ZBTB16: variants seen among roughly 807,000 people sequenced by gnomAD.
ZBTB16 encodes the protein zinc finger and BTB domain-containing protein 16.
In ZBTB16, 8 loss-of-function variants were observed where a neutral mutation model predicts 56.8. The observed-to-expected ratio is 0.14, with a 90% CI of 0.08 to 0.25. ZBTB16 has a LOEUF of 0.25. ZBTB16 is among the 10% of genes least tolerant of loss of function. ZBTB16 has a pLI of 1.00. For synonymous variants in ZBTB16, 363 were observed against 368.5 expected, an observed-to-expected ratio of 0.98 and a Z score of 0.17; for missense variants, 625 against 903.0, an observed-to-expected ratio of 0.69 and a Z score of 3.95.
chr11:114,238,040 G>T (rs1294232926), intron 4 of ZBTB16, among the ~76,000 whole-genome samples: 1 of 152,130 alleles, frequency 6.6e-6, no homozygotes, highest in Non-Finnish European at 1.5e-5. Context: ...TTTCCAGCTG[G>T]TGACCATATG....
At chr11:114,078,233 C>T (rs1285553299) in intron 2 of ZBTB16, among the ~76,000 whole-genome samples, 1 of 152,176 alleles carries the variant, frequency 6.6e-6, no homozygotes, top group Non-Finnish European at 1.5e-5. Context: ...AAGTGGGTTG[C>T]CTATGCCCAC....
intron 2 of ZBTB16, among the ~76,000 whole-genome samples, chr11:114,117,309 G>T (rs1189717714): frequency 6.6e-6 from 1 of 152,080 alleles, no homozygotes; most frequent in Non-Finnish European, 1.5e-5. Flanking sequence ...TCTGTAATTT[G>T]GGAGAAGGTG....
chr11:114,127,670 G>A (rs1941546670), intron 2 of ZBTB16, among the ~76,000 whole-genome samples: 1 of 152,182 alleles, frequency 6.6e-6, no homozygotes, highest in Non-Finnish European at 1.5e-5. Flanking sequence ...ATCAGAAAGG[G>A]GACCTCAGAA....
At chr11:114,210,729 G>A (rs970044892) in intron 4 of ZBTB16, 17 of 218,220 alleles carry the variant, frequency 7.8e-5, no homozygotes, top group Non-Finnish European at 1.3e-4. Flanking sequence ...TTACCTTAGA[G>A]ACATCCCAGG....
chr11:114,109,309 G>C (rs1189490410), intron 2 of ZBTB16, among the ~76,000 whole-genome samples: 1 of 152,250 alleles, frequency 6.6e-6, no homozygotes, highest in African/African-American at 2.4e-5. Flanking sequence ...TGGTGAGTGA[G>C]GTTGGGTCAT....
intron 4 of ZBTB16, among the ~76,000 whole-genome samples, chr11:114,194,360 C>T (rs1275982899): frequency 6.6e-6 from 1 of 152,142 alleles, no homozygotes; most frequent in African/African-American, 2.4e-5. Flanking sequence ...ACCCTTTTGA[C>T]CCTATTTGAC....
chr11:114,064,613 C>T lies in ZBTB16; in HGVS notation c.1268+45C>T, dbSNP rs748102763. The T allele has an allele frequency of 1.2e-6, 2 of 1,605,978 alleles. No homozygotes were observed. The highest frequency in any genetic ancestry group is 3.4e-5 in the Admixed American group (2 of 59,476). Reference sequence around the variant, plus strand: ...CGCACCTGATGTAGGACTTGAGGCCCTCACACCCCTCCTTCACACCCTGGC... The same window carrying T: ...CGCACCTGATGTAGGACTTGAGGCCTTCACACCCCTCCTTCACACCCTGGC... On this transcript the variant is annotated intron_variant, in intron 2 of 6. Coordinates refer to ENST00000335953, the MANE Select transcript of ZBTB16 (RefSeq NM_006006.6). The surrounding 1 kb of genome is among the most constrained non-coding windows in gnomAD (Gnocchi z 4.2).
rs143300654 is a variant in ZBTB16, at chr11:114,241,870, C to T, written c.1454-297C>T. ...TGGTATATGCTGTCTTAGTACCTTGCCGCCTTTTACATACCACCCGACACA... is the reference window on the plus strand; with the variant it reads ...TGGTATATGCTGTCTTAGTACCTTGTCGCCTTTTACATACCACCCGACACA... On this transcript the variant is annotated intron_variant, in intron 4 of 6. Transcript: ENST00000335953. 4.4e-4 allele frequency among the ~76,000 whole-genome samples: 67 copies of T among 152,280 alleles called. No individual in the cohort carries two copies. In the East Asian group the frequency reaches 9.4e-3, roughly 21 times the overall value.
chr11:114,144,897 G>A lies in ZBTB16; in HGVS notation c.1269-11440G>A, dbSNP rs921938129. On this transcript the variant is annotated intron_variant, in intron 2 of 6. Transcript: ENST00000335953. The stretch of plus-strand genomic sequence containing the variant: ...CATTATTAAATTATTGAGTTTAGAC[G>A]TGGGCTGGAGGGTAGGGGTTGAAAT... Among the ~76,000 whole-genome samples the A allele has an allele frequency of 5.9e-5, 9 of 152,312 alleles. No homozygotes were observed. The South Asian group carries it at 1.4e-3, about 25-fold the overall frequency.
intron 3 of ZBTB16, among the ~76,000 whole-genome samples, chr11:114,180,041 C>T (rs975896913): frequency 6.6e-6 from 1 of 152,198 alleles, no homozygotes; most frequent in South Asian, 2.1e-4. Context: ...ATCCTTGGCA[C>T]AGAGGGAGAG....
chr11:114,069,216 G>A (rs1222845325), intron 2 of ZBTB16, among the ~76,000 whole-genome samples: 1 of 152,192 alleles, frequency 6.6e-6, no homozygotes, highest in Non-Finnish European at 1.5e-5. Flanking sequence ...CTCCCAAGTA[G>A]TTGGGACTAC....
rs80116998 is a variant in ZBTB16, at chr11:114,110,860, A to T, written c.1269-45477A>T. ...TTGGGTTAAAGTTTTCTTTGTAAAA[A>T]CTGAATTCTGTGATCTTGTTTTTAC... On this transcript the variant is annotated intron_variant, in intron 2 of 6. Coordinates refer to ENST00000335953, the MANE Select transcript of ZBTB16 (RefSeq NM_006006.6). Among the ~76,000 whole-genome samples, 550 of 152,308 alleles carry T rather than the reference A, an allele frequency of 3.6e-3. 6 individuals are homozygous for T. Among genetic ancestry groups the T allele is most frequent in the African/African-American group, 0.012 (509 of 41,570 alleles).
chr11:114,071,557 G>T (rs925423042), intron 2 of ZBTB16, among the ~76,000 whole-genome samples: 2 of 152,086 alleles, frequency 1.3e-5, no homozygotes, highest in African/African-American at 4.8e-5. Context: ...TCTATTCACA[G>T]CTCTTTGATT....
intron 3 of ZBTB16, among the ~76,000 whole-genome samples, chr11:114,165,720 C>T (rs891297481): frequency 1.1e-4 from 16 of 152,174 alleles, no homozygotes; most frequent in African/African-American, 3.1e-4. Context: ...TACTGGCTTC[C>T]GGGAGAACAG....
intron 5 of ZBTB16, among the ~76,000 whole-genome samples, chr11:114,246,632 G>A (rs1382678364): frequency 2.0e-5 from 3 of 152,220 alleles, no homozygotes; most frequent in Admixed American, 6.5e-5. Flanking sequence ...AAGCGTCCAC[G>A]CGGGGGTATC....
chr11:114,210,786 G>A (rs944354194), intron 4 of ZBTB16: 1 of 218,484 alleles, frequency 4.6e-6, no homozygotes, highest in Admixed American at 5.8e-5. Context: ...TGGGTTAAAG[G>A]ACAGAGATGA....
intron 3 of ZBTB16, among the ~76,000 whole-genome samples, chr11:114,171,599 T>C (rs1942970197): frequency 6.6e-6 from 1 of 152,172 alleles, no homozygotes; most frequent in Non-Finnish European, 1.5e-5. Context: ...GGAAGAGTCA[T>C]TGTCACGGGA....
At chr11:114,117,337 C>T (rs1023237845) in intron 2 of ZBTB16, among the ~76,000 whole-genome samples, 6 of 151,956 alleles carry the variant, frequency 3.9e-5, no homozygotes, top group Admixed American at 1.3e-4. Flanking sequence ...GTTTTAATCC[C>T]GGGAGTGAAA....
chr11:114,249,185 G>C (rs181422849), intron 6 of ZBTB16, among the ~76,000 whole-genome samples: 4 of 151,952 alleles, frequency 2.6e-5, no homozygotes, highest in Non-Finnish European at 4.4e-5. Flanking sequence ...TAGGCCGGGT[G>C]GGGGAGCTCA....
Sources: gnomAD v4.1 joint callset for allele counts (sites outside exome capture counted in the v4.1 genomes callset) on GRCh38, gnomAD v4.1.1 for gene constraint, Gnocchi (gnomAD v3.1) non-coding constraint, MANE v1.5 for transcripts, NCBI Gene and HGNC (gene_info 2026-07-23, HGNC 2026-07-21) for gene names.